The following OPCML variants were observed in gnomAD, a reference collection of about 807,000 sequenced individuals.
The protein encoded by OPCML is opioid-binding protein/cell adhesion molecule.
Under a neutral mutation model 37.8 loss-of-function variants are expected in OPCML, and 13 were observed. The observed-to-expected ratio is 0.34, with a 90% CI of 0.22 to 0.55. The LOEUF (loss-of-function observed/expected upper bound fraction) is 0.55. OPCML is among the 20% of genes least tolerant of loss of function. The pLI is 0.91. For missense variants in OPCML, 341 were observed against 435.6 expected, an observed-to-expected ratio of 0.78 and a Z score of 1.93; for synonymous variants, 176 against 168.8, an observed-to-expected ratio of 1.04 and a Z score of -0.33.
chr11:132,655,859 G>T (rs987949482), intron 3 of OPCML, among the ~76,000 whole-genome samples: 1 of 147,202 alleles, frequency 6.8e-6, no homozygotes, highest in South Asian at 2.1e-4. Flanking sequence ...CAACATCGTG[G>T]TCCTTTTTTT....
At chr11:132,445,257 T>A (rs982940013) in intron 4 of OPCML, among the ~76,000 whole-genome samples, 6 of 152,208 alleles carry the variant, frequency 3.9e-5, no homozygotes, top group Non-Finnish European at 7.3e-5. Context: ...AGGAATTCCC[T>A]GGCAGGGGTG....
intron 2 of OPCML, among the ~76,000 whole-genome samples, chr11:132,806,057 G>T (rs1159997851): frequency 2.6e-5 from 4 of 151,932 alleles, no homozygotes; most frequent in Non-Finnish European, 5.9e-5. Flanking sequence ...GAAGGAGAAG[G>T]TTACATATCA....
chr11:133,530,060 C>A (rs2120764046), intron 1 of OPCML, among the ~76,000 whole-genome samples: 1 of 152,310 alleles, frequency 6.6e-6, no homozygotes, highest in Middle Eastern at 3.4e-3. Context: ...GCAGTGATGT[C>A]CACACCCTGC....
At chr11:132,500,771 T>C (rs1299289876) in intron 4 of OPCML, among the ~76,000 whole-genome samples, 1 of 152,176 alleles carries the variant, frequency 6.6e-6, no homozygotes, top group Non-Finnish European at 1.5e-5. Context: ...GTTCTCATTG[T>C]TCATCTCCCA....
chr11:133,170,358 C>A (rs546258758), intron 1 of OPCML, among the ~76,000 whole-genome samples: 1 of 152,124 alleles, frequency 6.6e-6, no homozygotes, highest in Non-Finnish European at 1.5e-5. Context: ...TGGTGGTGGG[C>A]GCCTGTAGTC....
intron 2 of OPCML, among the ~76,000 whole-genome samples, chr11:132,845,918 G>C (rs1591692810): frequency 6.6e-6 from 1 of 152,104 alleles, no homozygotes; most frequent in African/African-American, 2.4e-5. Context: ...GGGATACAAC[G>C]AGGGTGGGCT....
intron 1 of OPCML, among the ~76,000 whole-genome samples, chr11:133,389,284 A>T (rs539574063): frequency 1.3e-5 from 2 of 152,342 alleles, no homozygotes; most frequent in South Asian, 4.1e-4. Context: ...ACTCAGAATT[A>T]CACTGAGAGA....
intron 1 of OPCML, among the ~76,000 whole-genome samples, chr11:132,995,413 C>A (rs1946863861): frequency 6.6e-6 from 1 of 152,034 alleles, no homozygotes; most frequent in African/African-American, 2.4e-5. Context: ...AATTGGAATT[C>A]AAAATGCTAA....
intron 4 of OPCML, among the ~76,000 whole-genome samples, chr11:132,516,363 A>C (rs2137215610): frequency 6.6e-6 from 1 of 152,242 alleles, no homozygotes; most frequent in South Asian, 2.1e-4. Context: ...GTACAGACAG[A>C]GTGCTTCCTG....
intron 1 of OPCML, among the ~76,000 whole-genome samples, chr11:133,157,308 C>G (rs1950076124): frequency 6.6e-6 from 1 of 152,156 alleles, no homozygotes; most frequent in Non-Finnish European, 1.5e-5. Flanking sequence ...TGTAAGGAAG[C>G]ATCTCGCTGT....
At chr11:133,328,730 T>C (rs1461101517) in intron 1 of OPCML, among the ~76,000 whole-genome samples, 2 of 152,182 alleles carry the variant, frequency 1.3e-5, no homozygotes, top group Non-Finnish European at 2.9e-5. Context: ...AATATCATAC[T>C]GAATGGGCAA....
intron 3 of OPCML, among the ~76,000 whole-genome samples, chr11:132,615,174 A>G (rs1205737157): frequency 1.3e-5 from 2 of 152,222 alleles, no homozygotes; most frequent in African/African-American, 4.8e-5. Context: ...AAAAATAACA[A>G]TTTTAAAAGA....
At chr11:133,279,394 C>A (rs1942078681) in intron 1 of OPCML, among the ~76,000 whole-genome samples, 1 of 152,192 alleles carries the variant, frequency 6.6e-6, no homozygotes, top group African/African-American at 2.4e-5. Context: ...GCCTCCCAAG[C>A]AACCATGGGC....
At chr11:132,490,880 G>A (rs144693932) in intron 4 of OPCML, among the ~76,000 whole-genome samples, 1 of 150,904 alleles carries the variant, frequency 6.6e-6, no homozygotes, top group African/African-American at 2.4e-5. Flanking sequence ...GATGTTTCAC[G>A]TTTGTCCTGT....
chr11:132,904,485 T>C (rs546601242), intron 2 of OPCML, among the ~76,000 whole-genome samples: 1 of 152,360 alleles, frequency 6.6e-6, no homozygotes, highest in South Asian at 2.1e-4. Flanking sequence ...TGCTCTTGAA[T>C]TTGTGACCTC....
At chr11:132,817,532 A>C (rs1362507463) in intron 2 of OPCML, among the ~76,000 whole-genome samples, 3 of 152,130 alleles carry the variant, frequency 2.0e-5, no homozygotes, top group Non-Finnish European at 2.9e-5. Flanking sequence ...AGCTGATACT[A>C]AAGGAAAATA....
At chr11:132,723,487 A>G (rs1944754337) in intron 2 of OPCML, among the ~76,000 whole-genome samples, 1 of 152,248 alleles carries the variant, frequency 6.6e-6, no homozygotes, top group Non-Finnish European at 1.5e-5. Context: ...AAAAAATAGA[A>G]GAGCCAGTTA....
At chr11:133,012,767 C>T (rs1225375097) in intron 1 of OPCML, among the ~76,000 whole-genome samples, 1 of 148,748 alleles carries the variant, frequency 6.7e-6, no homozygotes, top group African/African-American at 2.5e-5. Flanking sequence ...CCCAGCTACT[C>T]GGGAGGCTGA....
At chr11:133,172,011 A>G (rs4937756) in intron 1 of OPCML, among the ~76,000 whole-genome samples, 67,183 of 152,106 alleles carry the variant, frequency 0.44, 15,271 homozygotes, top group South Asian at 0.54. Flanking sequence ...TTATTTGAAT[A>G]CATAGCAGAA....
Sources: gnomAD v4.1 joint callset for allele counts (sites outside exome capture counted in the v4.1 genomes callset) on GRCh38, gnomAD v4.1.1 for gene constraint, MANE v1.5 for transcripts, NCBI Gene and HGNC (gene_info 2026-07-23, HGNC 2026-07-21) for gene names.